The following SPC25 variants were observed in gnomAD, a reference collection of about 807,000 sequenced individuals.
SPC25 encodes SPC25 component of NDC80 kinetochore complex.
SPC25 carries 22 observed loss-of-function variants against 29.6 expected under a neutral mutation model. That is an observed-to-expected ratio of 0.74 (90% CI 0.53 to 1.06). SPC25 has a LOEUF of 1.06. Among genes scored for constraint, SPC25 ranks in the 50% least tolerant of loss-of-function variants. The pLI is 0.00. For synonymous variants in SPC25, 91 were observed against 90.4 expected (o/e 1.01, Z -0.04); for missense variants, 230 against 255.8 (o/e 0.90, Z 0.69).
downstream of SPC25, among the ~76,000 whole-genome samples, chr2:168,868,209 GT>G (rs1178413704): frequency 2.0e-5 from 3 of 152,212 alleles, no homozygotes; most frequent in African/African-American, 7.2e-5. Flanking sequence ...AAAGCAGTGT[GT>G]AGAGGGAAAT....
At position 168,871,342 on chromosome 2, in the gene SPC25, C is replaced by G. The variant is rs1689979308; in HGVS notation, c.*89G>C. 1 of 1,289,202 alleles carries G rather than the reference C, an allele frequency of 7.8e-7. No homozygotes were observed. The highest frequency in any genetic ancestry group is 1.0e-6 in the Non-Finnish European group (1 of 966,782). 79.9% of individuals were successfully genotyped at this position (1,289,202 alleles called of 1,614,324 possible). The stretch of plus-strand genomic sequence containing the variant: ...CACATTGTGCACATGTACCCTAAAA[C>G]TTAAAGTATAATAATAATAAAAACA... On this transcript the variant is annotated 3_prime_UTR_variant, in exon 7 of 7. Coordinates refer to ENST00000282074, the MANE Select transcript of SPC25 (RefSeq NM_020675.4).
intron 5 of SPC25, among the ~76,000 whole-genome samples, chr2:168,875,481 T>C (rs1690068793): frequency 6.6e-6 from 1 of 152,114 alleles, no homozygotes. Context: ...CAACTAATAA[T>C]AAAACAGAAC....
chr2:168,888,591 C>A (rs1309795200), intron 3 of SPC25, among the ~76,000 whole-genome samples: 1 of 151,782 alleles, frequency 6.6e-6, no homozygotes, highest in Non-Finnish European at 1.5e-5. Context: ...ACACAAAAAA[C>A]CCCCACAATA....
At chr2:168,864,705 T>G in intron 4 of SPC25, 1 of 1,041,050 alleles carries the variant, frequency 9.6e-7, no homozygotes, top group Non-Finnish European at 1.4e-6. Context: ...TGGCTTCATC[T>G]GAATCAAGTG....
downstream of SPC25, among the ~76,000 whole-genome samples, chr2:168,866,230 A>G (rs1689846806): frequency 6.6e-6 from 1 of 152,306 alleles, no homozygotes; most frequent in Non-Finnish European, 1.5e-5. Flanking sequence ...CTATCCTACA[A>G]GGCTACAGTA....
chr2:168,889,632 T>C lies in SPC25; in HGVS notation c.-14-99A>G, dbSNP rs180779249. 12 of 1,235,046 alleles carry C rather than the reference T, an allele frequency of 9.7e-6. No homozygotes were observed. The Admixed American group carries it at 1.5e-4, about 15-fold the overall frequency. 76.5% of individuals were successfully genotyped at this position (1,235,046 alleles called of 1,614,324 possible). ...AGTATTTTGGCAATTTGTCCTTTGC[T>C]AGAAAATAGCAACTTATCTTTAATT... On this transcript the variant is annotated intron_variant, in intron 1 of 6. Transcript: ENST00000282074.
chr2:168,871,565 A>G lies in SPC25; in HGVS notation c.551-10T>C. The G allele has an allele frequency of 6.4e-7, 1 of 1,553,668 alleles. No individual in the cohort carries two copies. The highest frequency in any genetic ancestry group is 8.6e-7 in the Non-Finnish European group (1 of 1,157,612). On this transcript the variant is annotated splice_polypyrimidine_tract_variant and intron_variant, in intron 6 of 6. Transcript: ENST00000282074. The stretch of plus-strand genomic sequence containing the variant: ...GGGGCACTATCTGACACTAGAAAAA[A>G]AAAAAAAAGAAATCAAAGACAATTA...
In SPC25 at chr2:168,877,329, C is replaced by A; in HGVS notation, c.255G>T (p.Leu85Phe). Residue 85 changes from leucine to phenylalanine, a missense_variant, in exon 4 of 7, where the codon TTG becomes TTT. Coordinates refer to ENST00000282074, the MANE Select transcript of SPC25 (RefSeq NM_020675.4). ...GCTTTTTGCCTTTTACTTCAGCAAT[C>A]AATTTTAACAAGTTATCCTTTTTTT... ...IQEKKDNLLK[L>F]IAEVKGKKQE... 1 of 1,613,786 alleles carries A rather than the reference C, an allele frequency of 6.2e-7. No individual in the cohort carries two copies. The highest frequency in any genetic ancestry group is 8.5e-7 in the Non-Finnish European group (1 of 1,179,868).
chr2:168,885,869 T>C (rs1690252315), intron 3 of SPC25, among the ~76,000 whole-genome samples: 2 of 152,174 alleles, frequency 1.3e-5, no homozygotes, highest in African/African-American at 2.4e-5. Flanking sequence ...CTATACCTCT[T>C]AGGGTTGTTG....
At chr2:168,874,257 AACCCTAGC>A (rs1343762858) in intron 5 of SPC25, among the ~76,000 whole-genome samples, 1 of 152,190 alleles carries the variant, frequency 6.6e-6, no homozygotes, top group Admixed American at 6.6e-5. Flanking sequence ...GAGAAACTGG[AACCCTAGC>A]ACATTGCTGG....
chr2:168,881,983 CAG>C (rs1690183524), intron 3 of SPC25, among the ~76,000 whole-genome samples: 1 of 152,054 alleles, frequency 6.6e-6, no homozygotes, highest in Admixed American at 6.6e-5. Context: ...AGGTAACAAA[CAG>C]AAAATTCAGA....
At chr2:168,889,718 A>G (rs1350756340) in intron 1 of SPC25, among the ~76,000 whole-genome samples, 185 bp from the exon 2 acceptor site, 1 of 152,158 alleles carries the variant, frequency 6.6e-6, no homozygotes, top group East Asian at 1.9e-4. Context: ...TGCAGCAATA[A>G]TTCAGGACAC....
At chr2:168,866,912 A>G (rs1285648622), downstream of SPC25, among the ~76,000 whole-genome samples, 3 of 152,200 alleles carry the variant, frequency 2.0e-5, no homozygotes, top group Non-Finnish European at 2.9e-5. Context: ...GCAAATCAAA[A>G]CCACAATGAG....
intron 4 of SPC25, among the ~76,000 whole-genome samples, chr2:168,863,934 A>C (rs564223619): frequency 9.9e-5 from 15 of 151,618 alleles, no homozygotes; most frequent in African/African-American, 3.4e-4. Context: ...TTTTTGAGGC[A>C]GAGTCTTGCT....
downstream of SPC25, among the ~76,000 whole-genome samples, chr2:168,870,710 G>A (rs1419019991): frequency 4.2e-4 from 61 of 145,854 alleles, no homozygotes; most frequent in African/African-American, 1.5e-3. Context: ...GAAAACAACA[G>A]GTGCTGGAGA....
chr2:168,887,867 T>C (rs778583762), intron 3 of SPC25, among the ~76,000 whole-genome samples: 1 of 152,248 alleles, frequency 6.6e-6, no homozygotes, highest in Non-Finnish European at 1.5e-5. Context: ...AACAAACTCA[T>C]CTTTTAAAAA....
chr2:168,865,065 CT>C (rs1345287209), intron 4 of SPC25: 7 of 1,359,740 alleles, frequency 5.1e-6, no homozygotes, highest in Non-Finnish European at 5.0e-6. Flanking sequence ...ACATGTTTTT[CT>C]TTTGAAATGG....
chr2:168,868,562 A>C (rs1188614763), downstream of SPC25, among the ~76,000 whole-genome samples: 1 of 152,238 alleles, frequency 6.6e-6, no homozygotes, highest in Non-Finnish European at 1.5e-5. Flanking sequence ...CTACCATCAG[A>C]GAATACTACA....
intron 6 of SPC25, 57 bp downstream of exon 6, chr2:168,873,528 G>A: frequency 8.2e-7 from 1 of 1,220,628 alleles, no homozygotes; most frequent in Non-Finnish European, 1.2e-6. Context: ...TATGCTGATT[G>A]AAATAACATT....
Sources: allele counts gnomAD v4.1 joint callset (sites outside exome capture counted in the v4.1 genomes callset), GRCh38; gene constraint gnomAD v4.1.1; transcripts MANE v1.5; gene names NCBI Gene and HGNC (gene_info 2026-07-23, HGNC 2026-07-21).